Variants in SAMD13 observed in about 807,000 individuals in gnomAD.
The protein encoded by SAMD13 is sterile alpha motif domain containing 13, also known as sterile alpha motif domain-containing protein 13.
In SAMD13, 9 loss-of-function variants were observed where a neutral mutation model predicts 12.4. The ratio of observed to expected loss-of-function variants is 0.72; its 90% confidence interval spans 0.44 to 1.26. SAMD13 has a LOEUF of 1.26. Ranked by LOEUF, SAMD13 falls within the 50% of genes most tolerant of loss-of-function variation. The pLI, the probability that SAMD13 is intolerant of heterozygous loss-of-function variation, is 0.00. For synonymous variants in SAMD13, 46 were observed against 45.4 expected (o/e 1.01, Z -0.05); for missense variants, 84 against 119.6 (o/e 0.70, Z 1.39).
At chr1:84,338,630 G>T (rs908888139) in intron 3 of SAMD13, among the ~76,000 whole-genome samples, 1 of 151,902 alleles carries the variant, frequency 6.6e-6, no homozygotes. Flanking sequence ...TAGAGACAGG[G>T]TTTCACCACA....
chr1:84,322,418 T>C (rs1488661768), intron 2 of SAMD13, among the ~76,000 whole-genome samples: 1 of 152,168 alleles, frequency 6.6e-6, no homozygotes, highest in Non-Finnish European at 1.5e-5. Flanking sequence ...CAAAAGCAGG[T>C]TACAGTAGCC....
At chr1:84,339,508 G>A (rs1447803662) in intron 3 of SAMD13, among the ~76,000 whole-genome samples, 3 of 152,156 alleles carry the variant, frequency 2.0e-5, no homozygotes, top group African/African-American at 4.8e-5. Flanking sequence ...TTGGTACCGG[G>A]CCACAGCTTT....
chr1:84,315,554 T>A (rs1360478123), intron 2 of SAMD13, among the ~76,000 whole-genome samples: 2 of 152,194 alleles, frequency 1.3e-5, no homozygotes, highest in Admixed American at 1.3e-4. Context: ...GCCTCCCAAG[T>A]AGTTGGAATT....
intron 2 of SAMD13, among the ~76,000 whole-genome samples, chr1:84,305,579 G>A (rs1005806447): frequency 1.3e-5 from 2 of 152,066 alleles, no homozygotes; most frequent in African/African-American, 4.8e-5. Flanking sequence ...TTGGCCTAAT[G>A]CAAGGTTACA....
At chr1:84,310,221 T>C (rs542912074) in intron 2 of SAMD13, among the ~76,000 whole-genome samples, 1 of 152,312 alleles carries the variant, frequency 6.6e-6, no homozygotes, top group South Asian at 2.1e-4. Context: ...TTTACATTTT[T>C]GTGCTAAATT....
chr1:84,346,902 G>GA (rs1316109216), intron 3 of SAMD13, among the ~76,000 whole-genome samples: 3 of 151,918 alleles, frequency 2.0e-5, no homozygotes, highest in African/African-American at 7.2e-5. Flanking sequence ...CACACTGGCA[G>GA]AAAGGAAGCA....
chr1:84,300,902 A>G (rs888819777), upstream of SAMD13, among the ~76,000 whole-genome samples: 22 of 152,232 alleles, frequency 1.4e-4, no homozygotes, highest in Admixed American at 1.4e-3. Flanking sequence ...TAACTAATAT[A>G]GTACCGGGTA....
intron 2 of SAMD13, among the ~76,000 whole-genome samples, chr1:84,322,133 G>A (rs1678959934): frequency 6.6e-6 from 1 of 152,100 alleles, no homozygotes; most frequent in African/African-American, 2.4e-5. Context: ...CCCTCGATTC[G>A]AATATTCCTC....
At chr1:84,302,414 G>A (rs1678471629) in intron 1 of SAMD13, among the ~76,000 whole-genome samples, 1 of 149,774 alleles carries the variant, frequency 6.7e-6, no homozygotes, top group Non-Finnish European at 1.5e-5. Context: ...AATTGTGGAA[G>A]GCTTTTAATT....
At chr1:84,328,172 T>C (rs750558595) in intron 3 of SAMD13, among the ~76,000 whole-genome samples, 6 of 152,206 alleles carry the variant, frequency 3.9e-5, no homozygotes, top group Non-Finnish European at 8.8e-5. Flanking sequence ...TTCCAGGTTC[T>C]GTGACTTACC....
chr1:84,325,837 G>A (rs1679048437), intron 3 of SAMD13, 89 bp downstream of exon 3: 14 of 770,930 alleles, frequency 1.8e-5, no homozygotes, highest in South Asian at 1.4e-4. Flanking sequence ...GAGTGAGGAG[G>A]AAGAGGACCA....
intron 2 of SAMD13, chr1:84,304,386 G>C (rs1207078159): frequency 2.0e-5 from 3 of 152,076 alleles, no homozygotes; most frequent in African/African-American, 7.2e-5. Context: ...CTGTATTTGT[G>C]CTGTCTAAAA....
At chr1:84,301,458 G>A (rs987985808), upstream of SAMD13, 9 of 204,236 alleles carry the variant, frequency 4.4e-5, no homozygotes, top group Non-Finnish European at 7.8e-5. Context: ...AAGCTATTGA[G>A]ACAGCTTGTT....
intron 1 of SAMD13, chr1:84,302,552 A>ACG (rs1678475423): frequency 2.7e-6 from 1 of 373,746 alleles, no homozygotes; most frequent in East Asian, 1.6e-4. Flanking sequence ...ACACACACAC[A>ACG]CACACACACA....
Position 84,350,562 on chromosome 1 carries a change from G to C in SAMD13, c.*788G>C, listed in dbSNP as rs1251731466. On this transcript the variant is annotated 3_prime_UTR_variant, in exon 4 of 4. Transcript: ENST00000394834. ...TGAAGAAATTTGCCGAGAGTTACAGGTCAAAAAGCCTTGTTACTAGTACAG... is the reference window on the plus strand; with the variant it reads ...TGAAGAAATTTGCCGAGAGTTACAGCTCAAAAAGCCTTGTTACTAGTACAG... 6.6e-6 allele frequency: 1 copy of C among 152,426 alleles called. No homozygotes were observed. The highest frequency in any genetic ancestry group is 2.4e-5 in the African/African-American group (1 of 41,382). The allele number at this position is 152,426 out of a possible 1,614,324, so 9.4% of individuals were successfully genotyped here.
intron 2 of SAMD13, chr1:84,303,758 G>A (rs1436779795): frequency 2.6e-5 from 4 of 153,950 alleles, no homozygotes; most frequent in African/African-American, 9.7e-5. Flanking sequence ...TTTATGAACT[G>A]TTTAATGAAT....
At chr1:84,299,495 T>TAC, upstream of SAMD13, 2 of 694,142 alleles carry the variant, frequency 2.9e-6, no homozygotes, top group Admixed American at 3.9e-5. Flanking sequence ...ACACACCACA[T>TAC]ACACACACAC....
chr1:84,345,448 G>A (rs576213002), intron 3 of SAMD13, among the ~76,000 whole-genome samples: 22 of 152,296 alleles, frequency 1.4e-4, no homozygotes, highest in African/African-American at 4.1e-4. Context: ...CAGATGTTGT[G>A]TAAGAACCTA....
chr1:84,313,825 TA>T (rs879617459), intron 2 of SAMD13, among the ~76,000 whole-genome samples: 5 of 152,130 alleles, frequency 3.3e-5, no homozygotes, highest in East Asian at 3.9e-4. Flanking sequence ...AGCAAAGGCA[TA>T]AAAAAAATTT....
Sources: allele counts gnomAD v4.1 joint callset (sites outside exome capture counted in the v4.1 genomes callset), GRCh38; gene constraint gnomAD v4.1.1; transcripts MANE v1.5; gene names NCBI Gene and HGNC (gene_info 2026-07-23, HGNC 2026-07-21).